MYO10: variants seen among roughly 807,000 people sequenced by gnomAD.
MYO10 encodes the protein myosin X, also known as unconventional myosin-X.
Under a neutral mutation model 257.3 loss-of-function variants are expected in MYO10, and 133 were observed. The observed-to-expected ratio is 0.52, with a 90% CI of 0.45 to 0.60. The LOEUF (loss-of-function observed/expected upper bound fraction) is 0.60, where lower values mean the gene tolerates loss of function less well. MYO10 is among the 20% of genes least tolerant of loss of function. MYO10 has a pLI of 0.00. For missense variants in MYO10, 2,399 were observed against 2,635.7 expected, an observed-to-expected ratio of 0.91 and a Z score of 1.97; for synonymous variants, 1,104 against 1,028.6, an observed-to-expected ratio of 1.07 and a Z score of -1.40.
At position 16,700,973 on chromosome 5, in the gene MYO10, G is replaced by GC; in HGVS notation, c.3421dup (p.Ala1141GlyfsTer6). 6.4e-7 allele frequency: 1 copy of GC among 1,554,188 alleles called. No individual in the cohort carries two copies. The highest frequency in any genetic ancestry group is 8.7e-7 in the Non-Finnish European group (1 of 1,148,166). On this transcript the variant is annotated frameshift_variant, in exon 25 of 41. Coordinates refer to ENST00000513610, the MANE Select transcript of MYO10 (RefSeq NM_012334.3). LOFTEE classifies it high-confidence loss of function. ...CAGGCAGGTACTTACCGAGGACTGC[G>GC]CCCCCTCAGAGCTGAACCGGTAGGC...
At chr5:16,689,756 T>C (rs543640363) in intron 28 of MYO10, 68 bp downstream of exon 28, 3 of 1,307,636 alleles carry the variant, frequency 2.3e-6, no homozygotes, top group Admixed American at 3.5e-5. Flanking sequence ...CAGTGCTCTG[T>C]GTGATGCTCA....
intron 2 of MYO10, among the ~76,000 whole-genome samples, chr5:16,823,457 GGGGA>G (rs1742896486): frequency 1.5e-4 from 3 of 20,188 alleles, no homozygotes; most frequent in African/African-American, 4.3e-4. Flanking sequence ...GCGGGGGGGG[GGGGA>G]GTGGGGATTT....
At chr5:16,926,037 T>C (rs1195598413) in intron 1 of MYO10, among the ~76,000 whole-genome samples, 1 of 152,186 alleles carries the variant, frequency 6.6e-6, no homozygotes, top group Non-Finnish European at 1.5e-5. Flanking sequence ...AGAGGATAAT[T>C]TGAATATCCC....
chr5:16,815,210 G>C, intron 3 of MYO10: 1 of 456,120 alleles, frequency 2.2e-6, no homozygotes, highest in East Asian at 3.6e-5. Flanking sequence ...CAAAGTATGA[G>C]TTTCAAAATA....
chr5:16,699,786 CAAAAAAAAA>C (rs1203905060), intron 25 of MYO10: 3 of 53,304 alleles, frequency 5.6e-5, no homozygotes, highest in Non-Finnish European at 4.4e-5. Flanking sequence ...GCCTCAGTCT[CAAAAAAAAA>C]AAAAAAAAAA....
At chr5:16,795,215 C>T (rs1463727969) in intron 3 of MYO10, among the ~76,000 whole-genome samples, 6 of 152,076 alleles carry the variant, frequency 3.9e-5, no homozygotes, top group South Asian at 4.2e-4. Context: ...TAAAAAGTGA[C>T]GGGACAGAAA....
chr5:16,843,812 C>T (rs931794709), intron 2 of MYO10, among the ~76,000 whole-genome samples: 2 of 152,082 alleles, frequency 1.3e-5, no homozygotes, highest in South Asian at 2.1e-4. Context: ...AAAAATATCC[C>T]TTAACTACAA....
chr5:16,698,505 G>A (rs1024428672), intron 26 of MYO10, among the ~76,000 whole-genome samples: 1 of 152,148 alleles, frequency 6.6e-6, no homozygotes, highest in Non-Finnish European at 1.5e-5. Flanking sequence ...TGCTCATCAT[G>A]AAGTAGGTAT....
chr5:16,818,381 CGTGTGTGTGTGTGT>C (rs66684462), intron 2 of MYO10, among the ~76,000 whole-genome samples: 54 of 134,022 alleles, frequency 4.0e-4, no homozygotes, highest in East Asian at 8.7e-4. Context: ...TGTGTGTGTG[CGTGTGTGTGTGTGT>C]GTGTGTGTGT....
chr5:16,700,853 G>A (rs77583117), intron 25 of MYO10, 110 bp downstream of exon 25: 18 of 1,291,590 alleles, frequency 1.4e-5, no homozygotes, highest in East Asian at 5.1e-5. Context: ...CCACGACTCT[G>A]CAATCTTTGC....
intron 1 of MYO10, among the ~76,000 whole-genome samples, chr5:16,904,029 AG>A (rs1745454725): frequency 1.3e-5 from 2 of 152,178 alleles, no homozygotes; most frequent in Non-Finnish European, 1.5e-5. Flanking sequence ...GGTAGCCCCT[AG>A]GTGGTTTCAG....
At chr5:16,812,283 C>T (rs1742465019) in intron 3 of MYO10, among the ~76,000 whole-genome samples, 2 of 152,254 alleles carry the variant, frequency 1.3e-5, no homozygotes, top group African/African-American at 2.4e-5. Flanking sequence ...CATAGAAGGC[C>T]GGGCTTCTGC....
rs1013495856 is a variant in MYO10, at chr5:16,793,008, T to C, written c.467+1638A>G. Among the ~76,000 whole-genome samples, 3 of 152,228 alleles carry C rather than the reference T, an allele frequency of 2.0e-5. No individual in the cohort carries two copies. In the East Asian group the frequency reaches 5.8e-4, roughly 29 times the overall value. On this transcript the variant is annotated intron_variant, in intron 4 of 40. Transcript: ENST00000513610. ...GAGCCAAGTTGCCACAAGTTGGGAC[T>C]AGAAAGCCATCTGAAGCAGATGTCG...
chr5:16,805,160 TA>T (rs1329255547), intron 3 of MYO10, among the ~76,000 whole-genome samples: 1 of 151,986 alleles, frequency 6.6e-6, no homozygotes, highest in Non-Finnish European at 1.5e-5. Context: ...GAAGCAAAGA[TA>T]AAGTGTGGTA....
intron 19 of MYO10, among the ~76,000 whole-genome samples, chr5:16,749,676 A>C (rs1156567733): frequency 6.6e-6 from 1 of 152,112 alleles, no homozygotes; most frequent in East Asian, 1.9e-4. Flanking sequence ...GGAACCCATG[A>C]CGTTTCCTTC....
chr5:16,861,689 G>T (rs1744114006), intron 2 of MYO10, among the ~76,000 whole-genome samples: 1 of 152,150 alleles, frequency 6.6e-6, no homozygotes, highest in South Asian at 2.1e-4. Context: ...GAAAGCGGAG[G>T]ACAGGTACAC....
intron 1 of MYO10, among the ~76,000 whole-genome samples, chr5:16,926,222 G>A (rs1303935942): frequency 6.6e-6 from 1 of 152,140 alleles, no homozygotes; most frequent in African/African-American, 2.4e-5. Flanking sequence ...TGGATTTTCA[G>A]ATTACGGATA....
chr5:16,805,743 T>C (rs765391824), intron 3 of MYO10, among the ~76,000 whole-genome samples: 1 of 152,188 alleles, frequency 6.6e-6, no homozygotes. Context: ...ACATTCTATT[T>C]TGAAGCACAT....
chr5:16,677,255 A>T (rs762162408), intron 33 of MYO10, among the ~76,000 whole-genome samples: 1 of 152,166 alleles, frequency 6.6e-6, no homozygotes, highest in East Asian at 1.9e-4. Context: ...GGCCATAAAA[A>T]TTTTTTAATT....
Sources: allele counts gnomAD v4.1 joint callset (sites outside exome capture counted in the v4.1 genomes callset), GRCh38; gene constraint gnomAD v4.1.1; transcripts MANE v1.5; gene names NCBI Gene and HGNC (gene_info 2026-07-23, HGNC 2026-07-21).